Variants in SDK1 observed in about 807,000 individuals in gnomAD.
The protein encoded by SDK1 is sidekick cell adhesion molecule 1.
In SDK1, 157 loss-of-function variants were observed where a neutral mutation model predicts 245.5. The ratio of observed to expected loss-of-function variants is 0.64; its 90% CI spans 0.56 to 0.73. The LOEUF (loss-of-function observed/expected upper bound fraction) is 0.73. Ranked by LOEUF, SDK1 falls within the 30% of genes least tolerant of loss-of-function variation. The pLI is 0.00. For synonymous variants in SDK1, 1,647 were observed against 1,278.5 expected (o/e 1.29, Z -6.15); for missense variants, 3,583 against 3,002.3 (o/e 1.19, Z -4.52).
rs550143340 is a variant in SDK1 at position 3,380,001 on chromosome 7, T to G, written c.298+78117T>G. Among the ~76,000 whole-genome samples, 3 of 152,334 alleles carry G rather than the reference T, an allele frequency of 2.0e-5. No individual in the cohort carries two copies. In the East Asian group the frequency reaches 5.8e-4, roughly 29 times the overall value. On this transcript the variant is annotated intron_variant, in intron 1 of 44. Coordinates refer to ENST00000404826, the MANE Select transcript of SDK1 (RefSeq NM_152744.4). ...CCTTTCAGATAAGGGATTTTCAACCTGTATTTAATATTGGGAAGCAATATA... is the reference window on the plus strand; with the variant it reads ...CCTTTCAGATAAGGGATTTTCAACCGGTATTTAATATTGGGAAGCAATATA...
chr7:3,435,320 C>CTTT (rs1438818051), intron 1 of SDK1, among the ~76,000 whole-genome samples: 1 of 100,164 alleles, frequency 1.0e-5, no homozygotes, highest in African/African-American at 5.0e-5. Flanking sequence ...AAGGGGACTG[C>CTTT]CTTTTTTTTT....
At chr7:4,221,746 C>T (rs1001868578) in intron 40 of SDK1, among the ~76,000 whole-genome samples, 2 of 152,152 alleles carry the variant, frequency 1.3e-5, no homozygotes, top group Non-Finnish European at 2.9e-5. Context: ...AGATGGAAAA[C>T]GTCAGGCTTG....
At chr7:4,257,268 C>T (rs910475582) in intron 44 of SDK1, among the ~76,000 whole-genome samples, 11 of 152,146 alleles carry the variant, frequency 7.2e-5, no homozygotes, top group African/African-American at 2.4e-4. Flanking sequence ...GCTTTCCAGG[C>T]GTCTGTGCAC....
intron 30 of SDK1, among the ~76,000 whole-genome samples, chr7:4,155,190 T>C (rs1780647440): frequency 6.6e-6 from 1 of 151,252 alleles, no homozygotes; most frequent in Non-Finnish European, 1.5e-5. Context: ...TTCTGCCTGG[T>C]TTTGGGGGCA....
chr7:4,261,629 C>A (rs1788015795), intron 44 of SDK1, among the ~76,000 whole-genome samples: 1 of 152,134 alleles, frequency 6.6e-6, no homozygotes, highest in Admixed American at 6.5e-5. Context: ...TCCGACAGAC[C>A]CACAGAGTCA....
chr7:3,653,355 T>A (rs2128656590), intron 4 of SDK1, among the ~76,000 whole-genome samples: 1 of 152,212 alleles, frequency 6.6e-6, no homozygotes, highest in South Asian at 2.1e-4. Flanking sequence ...TCACTTGGGG[T>A]ATTTGAAATC....
At chr7:3,830,794 G>A (rs908026021) in intron 5 of SDK1, among the ~76,000 whole-genome samples, 5 of 152,112 alleles carry the variant, frequency 3.3e-5, no homozygotes, top group Non-Finnish European at 7.3e-5. Context: ...ACTGCACCTG[G>A]CCTAACAATT....
intron 4 of SDK1, among the ~76,000 whole-genome samples, chr7:3,773,894 G>A (rs1017506424): frequency 2.4e-4 from 36 of 152,150 alleles, no homozygotes; most frequent in African/African-American, 8.4e-4. Flanking sequence ...TAAAAGAAGA[G>A]AAAGAGAAAA....
intron 5 of SDK1, among the ~76,000 whole-genome samples, chr7:3,896,672 C>T (rs575675131): frequency 3.3e-5 from 5 of 152,250 alleles, no homozygotes; most frequent in Admixed American, 6.5e-5. Context: ...ATCACTGTCC[C>T]GTGCTGCCGG....
intron 22 of SDK1, among the ~76,000 whole-genome samples, chr7:4,090,707 G>T (rs2128183405): frequency 6.6e-6 from 1 of 152,320 alleles, no homozygotes; most frequent in Non-Finnish European, 1.5e-5. Context: ...GCAGTGGAGA[G>T]TGGGATTTAG....
intron 14 of SDK1, among the ~76,000 whole-genome samples, chr7:4,006,964 C>T (rs1292173407): frequency 1.3e-5 from 2 of 152,254 alleles, no homozygotes; most frequent in African/African-American, 4.8e-5. Flanking sequence ...CTCCCGCAGT[C>T]TGATTAATCG....
chr7:3,822,933 C>G (rs1275548289), intron 5 of SDK1, among the ~76,000 whole-genome samples: 1 of 152,092 alleles, frequency 6.6e-6, no homozygotes, highest in African/African-American at 2.4e-5. Flanking sequence ...TGAGTGGGGT[C>G]TCAGATGCCT....
chr7:4,012,339 A>G, intron 16 of SDK1, 104 bp downstream of exon 16: 1 of 1,263,640 alleles, frequency 7.9e-7, no homozygotes, highest in Non-Finnish European at 1.0e-6. Flanking sequence ...AACAGGAACC[A>G]AAGGAGTCAG....
intron 38 of SDK1, 89 bp from the exon 39 acceptor site, chr7:4,220,020 A>C (rs1584474604): frequency 6.8e-7 from 1 of 1,469,464 alleles, no homozygotes; most frequent in Non-Finnish European, 9.2e-7. Context: ...TGCAGGGACC[A>C]CTTTCCTTGT....
At chr7:4,033,381 G>A (rs1301082702) in intron 17 of SDK1, among the ~76,000 whole-genome samples, 1 of 152,132 alleles carries the variant, frequency 6.6e-6, no homozygotes, top group Non-Finnish European at 1.5e-5. Flanking sequence ...ACTAGTTTTA[G>A]TCTCTCTAAC....
intron 1 of SDK1, among the ~76,000 whole-genome samples, chr7:3,446,798 A>G (rs1287359353): frequency 2.6e-5 from 4 of 152,174 alleles, no homozygotes; most frequent in Non-Finnish European, 5.9e-5. Flanking sequence ...TTTAGCTGCA[A>G]GTGTTTGTGG....
At chr7:4,079,681 G>T in intron 22 of SDK1, 97 bp downstream of exon 22, 1 of 1,517,772 alleles carries the variant, frequency 6.6e-7, no homozygotes, top group Non-Finnish European at 9.0e-7. Flanking sequence ...TTGGGGTGTC[G>T]GGGAGATGGG....
intron 28 of SDK1, among the ~76,000 whole-genome samples, chr7:4,141,868 T>C (rs952345839): frequency 2.6e-5 from 4 of 152,188 alleles, no homozygotes; most frequent in African/African-American, 9.7e-5. Flanking sequence ...GTGATTCTCC[T>C]GCCTCAGCCT....
chr7:3,589,325 C>A (rs1375600104), intron 1 of SDK1, among the ~76,000 whole-genome samples: 1 of 151,998 alleles, frequency 6.6e-6, no homozygotes, highest in Non-Finnish European at 1.5e-5. Context: ...TACTGATCTC[C>A]CAGTTGTCAT....
Sources: allele counts gnomAD v4.1 joint callset (sites outside exome capture counted in the v4.1 genomes callset), GRCh38; gene constraint gnomAD v4.1.1; transcripts MANE v1.5; gene names NCBI Gene and HGNC (gene_info 2026-07-23, HGNC 2026-07-21).